The following LRRC4C variants were observed in gnomAD, a reference collection of about 807,000 sequenced individuals.
LRRC4C encodes the protein leucine-rich repeat-containing protein 4C.
In LRRC4C, 5 loss-of-function variants were observed where a neutral mutation model predicts 33.6. The observed-to-expected ratio is 0.15, with a 90% CI of 0.08 to 0.31. The LOEUF is 0.31. Ranked by LOEUF, LRRC4C falls within the 10% of genes least tolerant of loss-of-function variation. The pLI is 1.00. For synonymous variants in LRRC4C, 329 were observed against 302.0 expected (o/e 1.09, Z -0.93); for missense variants, 560 against 796.7 (o/e 0.70, Z 3.58).
At chr11:41,342,184 AAC>A (rs1454821667) in intron 1 of LRRC4C, among the ~76,000 whole-genome samples, 5 of 152,252 alleles carry the variant, frequency 3.3e-5, no homozygotes, top group Non-Finnish European at 7.3e-5. Flanking sequence ...CTAAAATATT[AAC>A]AGTTATTACA....
intron 1 of LRRC4C, among the ~76,000 whole-genome samples, chr11:41,110,510 C>G (rs1176064525): frequency 6.6e-6 from 1 of 152,008 alleles, no homozygotes; most frequent in Non-Finnish European, 1.5e-5. Flanking sequence ...AACTGTACTC[C>G]TAGATGTCAA....
At chr11:41,167,560 G>A (rs1241393085) in intron 1 of LRRC4C, among the ~76,000 whole-genome samples, 4 of 152,100 alleles carry the variant, frequency 2.6e-5, no homozygotes, top group Non-Finnish European at 5.9e-5. Context: ...CAAACTGTGG[G>A]GAAACACTTC....
At chr11:41,090,777 G>A (rs1156884972) in intron 1 of LRRC4C, among the ~76,000 whole-genome samples, 1 of 152,032 alleles carries the variant, frequency 6.6e-6, no homozygotes, top group Non-Finnish European at 1.5e-5. Context: ...GGTTTTATAA[G>A]GCAGTTATCC....
intron 1 of LRRC4C, among the ~76,000 whole-genome samples, chr11:41,337,714 G>T (rs1303468594): frequency 6.6e-6 from 1 of 152,254 alleles, no homozygotes; most frequent in African/African-American, 2.4e-5. Context: ...AAGAGCTTCT[G>T]CACAGAAAGA....
At chr11:40,122,894 A>G (rs948027798) in intron 6 of LRRC4C, among the ~76,000 whole-genome samples, 2 of 151,368 alleles carry the variant, frequency 1.3e-5, no homozygotes, top group Non-Finnish European at 2.9e-5. Flanking sequence ...ATAGATAGAT[A>G]TAGGTCTATA....
chr11:40,773,983 C>A (rs889094710), intron 2 of LRRC4C, among the ~76,000 whole-genome samples: 20 of 152,056 alleles, frequency 1.3e-4, no homozygotes, highest in Non-Finnish European at 2.9e-4. Flanking sequence ...CAAAATAAAA[C>A]CCCATGCCCA....
intron 1 of LRRC4C, among the ~76,000 whole-genome samples, chr11:41,407,756 G>T (rs1045510516): frequency 6.6e-6 from 1 of 152,130 alleles, no homozygotes; most frequent in Non-Finnish European, 1.5e-5. Flanking sequence ...GTCTTGGTAC[G>T]ATTCTTATTT....
chr11:40,332,277 T>C (rs1045365028), intron 3 of LRRC4C, among the ~76,000 whole-genome samples: 1 of 152,186 alleles, frequency 6.6e-6, no homozygotes, highest in Non-Finnish European at 1.5e-5. Context: ...TCTTCTTGCT[T>C]TTAGTAACTC....
Position 40,586,832 on chromosome 11 carries a change from A to G in LRRC4C, c.-270+61310T>C, listed in dbSNP as rs534716722. Among the ~76,000 whole-genome samples, 546 of 152,204 alleles carry G rather than the reference A, an allele frequency of 3.6e-3. 1 individual carries two copies. The highest frequency in any genetic ancestry group is 6.0e-3 in the Non-Finnish European group (405 of 68,014). ...GGGCTCTGTTCTGTTCCATTGATCT[A>G]TATCTCTGTTGTGGTACCAGTACCA... On this transcript the variant is annotated intron_variant, in intron 3 of 6. Transcript: ENST00000528697.
chr11:41,288,411 G>A (rs1949896418), intron 1 of LRRC4C, among the ~76,000 whole-genome samples: 1 of 152,108 alleles, frequency 6.6e-6, no homozygotes, highest in African/African-American at 2.4e-5. Flanking sequence ...ATCAGAAACT[G>A]GGGAGAGAGA....
rs188065330 is a variant in LRRC4C, at chr11:40,638,341, C to T, written c.-270+9801G>A. Among the ~76,000 whole-genome samples the T allele has an allele frequency of 5.9e-5, 9 of 152,282 alleles. 1 individual carries two copies. The East Asian group carries it at 1.7e-3, about 29-fold the overall frequency. On this transcript the variant is annotated intron_variant, in intron 3 of 6. Transcript: ENST00000528697. Reference sequence around the variant, plus strand: ...TGCTCAATAAACATTTGTGGAATTACTGAATTAATCAACACATGCTAAGCA... The same window carrying T: ...TGCTCAATAAACATTTGTGGAATTATTGAATTAATCAACACATGCTAAGCA...
chr11:41,086,566 A>T (rs1940003718), intron 1 of LRRC4C, among the ~76,000 whole-genome samples: 1 of 152,140 alleles, frequency 6.6e-6, no homozygotes, highest in Non-Finnish European at 1.5e-5. Flanking sequence ...CATTTTAGGA[A>T]TCTAAAATAT....
At chr11:40,888,233 T>C (rs1955550463) in intron 2 of LRRC4C, among the ~76,000 whole-genome samples, 3 of 151,930 alleles carry the variant, frequency 2.0e-5, no homozygotes, top group Admixed American at 6.6e-5. Context: ...TTTTCTCCCA[T>C]ATAGATATAA....
intron 2 of LRRC4C, among the ~76,000 whole-genome samples, chr11:40,817,990 T>G (rs572923652): frequency 3.3e-5 from 5 of 152,258 alleles, no homozygotes; most frequent in South Asian, 2.1e-4. Context: ...TTAATTGGTT[T>G]GTTTGTTTGT....
At chr11:40,639,564 C>T (rs903650508) in intron 3 of LRRC4C, among the ~76,000 whole-genome samples, 2 of 152,184 alleles carry the variant, frequency 1.3e-5, no homozygotes. Context: ...ATTGCTGCGC[C>T]TTCTTTGTGC....
intron 2 of LRRC4C, among the ~76,000 whole-genome samples, chr11:40,743,854 C>A (rs1948285148): frequency 6.6e-6 from 1 of 152,006 alleles, no homozygotes; most frequent in Non-Finnish European, 1.5e-5. Context: ...TGCTGTGGAC[C>A]TGTTACTTGA....
chr11:40,447,105 T>G (rs1899045), intron 3 of LRRC4C: 79,117 of 173,482 alleles, frequency 0.46, 18,793 homozygotes, highest in East Asian at 0.58. Context: ...TCCAGGTCCT[T>G]CCACTCCTCC....
chr11:40,907,088 T>C (rs1956456760), intron 2 of LRRC4C, among the ~76,000 whole-genome samples: 1 of 152,226 alleles, frequency 6.6e-6, no homozygotes, highest in Admixed American at 6.5e-5. Context: ...TATGCAAGTA[T>C]ATCAGTTACT....
chr11:40,511,548 A>C (rs2135140519), intron 3 of LRRC4C, among the ~76,000 whole-genome samples: 1 of 152,302 alleles, frequency 6.6e-6, no homozygotes, highest in South Asian at 2.1e-4. Context: ...TTATGAATTC[A>C]ATGTAGTGAA....
Sources: gnomAD v4.1 joint callset for allele counts (sites outside exome capture counted in the v4.1 genomes callset) on GRCh38, gnomAD v4.1.1 for gene constraint, MANE v1.5 for transcripts, NCBI Gene and HGNC (gene_info 2026-07-23, HGNC 2026-07-21) for gene names.